DACH1: variants seen among roughly 807,000 people sequenced by gnomAD.
DACH1 encodes the protein dachshund homolog 1.
In DACH1, 12 loss-of-function variants were observed where a neutral mutation model predicts 54.2. The ratio of observed to expected loss-of-function variants is 0.22; its 90% CI spans 0.14 to 0.36. The LOEUF (loss-of-function observed/expected upper bound fraction) is 0.36, where lower values mean the gene tolerates loss of function less well. DACH1 is among the 10% of genes least tolerant of loss of function. The pLI, the probability that DACH1 is intolerant of heterozygous loss-of-function variation, is 1.00. For missense variants in DACH1, 805 were observed against 929.8 expected, an observed-to-expected ratio of 0.87 and a Z score of 1.75; for synonymous variants, 386 against 366.2, an observed-to-expected ratio of 1.05 and a Z score of -0.62.
In DACH1 at chr13:71,488,996, C is replaced by G; in HGVS notation, c.1722+1G>C. On this transcript the variant is annotated splice_donor_variant, in intron 7 of 10. Coordinates refer to ENST00000613252, the MANE Select transcript of DACH1 (RefSeq NM_080759.6). LOFTEE classifies it high-confidence loss of function. ...TTCTTCCAGGTTGTAAAAAGGCCTA[C>G]CTGTATGTTAGTCAGAAGAGTCTCG... is the stretch of plus-strand genomic sequence containing the variant. 6.2e-7 allele frequency: 1 copy of G among 1,611,952 alleles called. No homozygotes were observed. Among genetic ancestry groups the G allele is most frequent in the African/African-American group, 1.3e-5 (1 of 74,760 alleles).
intron 3 of DACH1, among the ~76,000 whole-genome samples, chr13:71,576,058 A>G (rs1187191971): frequency 1.4e-5 from 2 of 138,782 alleles, no homozygotes; most frequent in Non-Finnish European, 3.0e-5. Flanking sequence ...AAACCAGTAT[A>G]TATGCACTAT....
intron 6 of DACH1, among the ~76,000 whole-genome samples, chr13:71,498,090 G>A (rs990484308): frequency 6.6e-6 from 1 of 152,164 alleles, no homozygotes; most frequent in African/African-American, 2.4e-5. Context: ...TTGGCAGAAT[G>A]TTGGAGGTTT....
intron 1 of DACH1, among the ~76,000 whole-genome samples, chr13:71,792,625 A>G (rs1230941122): frequency 6.6e-6 from 1 of 152,224 alleles, no homozygotes; most frequent in Non-Finnish European, 1.5e-5. Flanking sequence ...AGATGTTTGT[A>G]TATGATCAAT....
chr13:71,634,433 C>T (rs553757088), intron 2 of DACH1, among the ~76,000 whole-genome samples: 164 of 152,250 alleles, frequency 1.1e-3, no homozygotes, highest in African/African-American at 3.8e-3. Context: ...GTACATAGGC[C>T]TTCTTTCCTT....
chr13:71,841,486 T>C (rs1288470974), intron 1 of DACH1, among the ~76,000 whole-genome samples: 1 of 152,190 alleles, frequency 6.6e-6, no homozygotes, highest in Non-Finnish European at 1.5e-5. Flanking sequence ...TGTCAGAGCC[T>C]GGATATGACT....
Position 71,501,495 on chromosome 13 carries a change from A to T in DACH1, c.1571-12347T>A, listed in dbSNP as rs181082788. ...AAAACATTAAAAATATGTACAGATT[A>T]CAGAGCATATGTTTGAGATTTGCTT... On this transcript the variant is annotated intron_variant, in intron 6 of 10. Transcript: ENST00000613252. 2.2e-3 allele frequency among the ~76,000 whole-genome samples: 341 copies of T among 152,314 alleles called. 3 individuals are homozygous for T. The highest frequency in any genetic ancestry group is 7.9e-3 in the African/African-American group (330 of 41,574).
At chr13:71,674,960 C>G in intron 2 of DACH1, 2 of 680,030 alleles carry the variant, frequency 2.9e-6, no homozygotes, top group Non-Finnish European at 5.3e-6. Context: ...AAACGGTGTT[C>G]GCAGCCGCCA....
intron 3 of DACH1, among the ~76,000 whole-genome samples, chr13:71,595,293 G>A (rs969841638): frequency 6.6e-5 from 10 of 152,110 alleles, no homozygotes; most frequent in Non-Finnish European, 1.3e-4. Flanking sequence ...GAGCCCAATC[G>A]TGGAAGGGAT....
At position 71,628,971 on chromosome 13, in the gene DACH1, C is replaced by T. The variant is rs534689016; in HGVS notation, c.1126+1585G>A. ...ATTAAGAACAGCCTTCATGAACAGC[C>T]TCCTTTTCTAAAATTTTGAAAACAA... is the stretch of plus-strand genomic sequence containing the variant. On this transcript the variant is annotated intron_variant, in intron 3 of 10. Coordinates refer to ENST00000613252, the MANE Select transcript of DACH1 (RefSeq NM_080759.6). 2.6e-5 allele frequency among the ~76,000 whole-genome samples: 4 copies of T among 152,112 alleles called. No individual in the cohort carries two copies. The East Asian group carries it at 7.7e-4, about 29-fold the overall frequency.
At chr13:71,750,033 G>A (rs1461398046) in intron 1 of DACH1, among the ~76,000 whole-genome samples, 1 of 152,114 alleles carries the variant, frequency 6.6e-6, no homozygotes, top group Non-Finnish European at 1.5e-5. Context: ...TATGTGCCAG[G>A]TACTCTGTTG....
chr13:71,697,443 AC>A (rs1881889563), intron 1 of DACH1, among the ~76,000 whole-genome samples: 1 of 152,186 alleles, frequency 6.6e-6, no homozygotes, highest in Admixed American at 6.5e-5. Flanking sequence ...TCTTTGCATT[AC>A]CCTGTCTCCC....
intron 1 of DACH1, among the ~76,000 whole-genome samples, chr13:71,694,113 T>C (rs1447421851): frequency 6.6e-6 from 1 of 152,182 alleles, no homozygotes; most frequent in African/African-American, 2.4e-5. Context: ...CTAAAATGCA[T>C]GTTTTCACCC....
At chr13:71,574,081 A>G (rs1277616406) in intron 3 of DACH1, among the ~76,000 whole-genome samples, 2 of 152,182 alleles carry the variant, frequency 1.3e-5, no homozygotes, top group Non-Finnish European at 2.9e-5. Context: ...TGCCAAAGCA[A>G]AAATTAAATA....
At chr13:71,770,840 T>C (rs1172963612) in intron 1 of DACH1, among the ~76,000 whole-genome samples, 1 of 151,582 alleles carries the variant, frequency 6.6e-6, no homozygotes, top group Non-Finnish European at 1.5e-5. Context: ...CAGGTGCCTC[T>C]TTCCCTCCAG....
chr13:71,575,275 T>A (rs1198043470), intron 3 of DACH1, among the ~76,000 whole-genome samples: 1 of 152,022 alleles, frequency 6.6e-6, no homozygotes, highest in Non-Finnish European at 1.5e-5. Context: ...TATTTTATAC[T>A]TCATTTAAAA....
At chr13:71,610,565 T>C (rs1566376513) in intron 3 of DACH1, among the ~76,000 whole-genome samples, 2 of 152,150 alleles carry the variant, frequency 1.3e-5, no homozygotes, top group African/African-American at 4.8e-5. Context: ...TGCACATACA[T>C]AGGCACTGGC....
rs546152966 is a variant in DACH1, at chr13:71,607,004, A to G, written c.1126+23552T>C. Among the ~76,000 whole-genome samples, 19 of 152,080 alleles carry G rather than the reference A, an allele frequency of 1.2e-4. 2 individuals carry two copies. The South Asian group carries it at 3.7e-3, about 30-fold the overall frequency. Reference sequence around the variant, plus strand: ...GCAAAATTTTGTTCCAACAACACTCATGTGATTGGGAACAAAGGAATTCTT... The same window carrying G: ...GCAAAATTTTGTTCCAACAACACTCGTGTGATTGGGAACAAAGGAATTCTT... On this transcript the variant is annotated intron_variant, in intron 3 of 10. Coordinates refer to ENST00000613252, the MANE Select transcript of DACH1 (RefSeq NM_080759.6).
chr13:71,637,621 A>T (rs1198806377), intron 2 of DACH1, among the ~76,000 whole-genome samples: 1 of 152,168 alleles, frequency 6.6e-6, no homozygotes, highest in East Asian at 1.9e-4. Context: ...CCATGGATAT[A>T]TCTTTTGGAA....
At chr13:71,770,983 T>A (rs1885830276) in intron 1 of DACH1, among the ~76,000 whole-genome samples, 1 of 151,434 alleles carries the variant, frequency 6.6e-6, no homozygotes, top group African/African-American at 2.4e-5. Context: ...TGAAATGAAA[T>A]CAGCACAAAC....
Sources: gnomAD v4.1 joint callset for allele counts (sites outside exome capture counted in the v4.1 genomes callset) on GRCh38, gnomAD v4.1.1 for gene constraint, MANE v1.5 for transcripts, NCBI Gene and HGNC (gene_info 2026-07-23, HGNC 2026-07-21) for gene names.